The following AFG2A variants were observed in gnomAD, a reference collection of about 807,000 sequenced individuals.
AFG2A encodes ATPase family gene 2 protein homolog A.
At chr4:123,210,267 A>G in the AFG2A span, among the ~76,000 whole-genome samples, 1 of 152,214 alleles carries the variant, frequency 6.6e-6, no homozygotes, top group Non-Finnish European at 1.5e-5. Context: ...AATACATGAT[A>G]TATTGTTAAC....
the AFG2A span, chr4:123,057,309 C>G: frequency 6.4e-6 from 10 of 1,550,882 alleles, no homozygotes; most frequent in Non-Finnish European, 8.9e-6. Flanking sequence ...TTTAATAGCA[C>G]TGCTATTACA....
chr4:122,959,171 G>A, the AFG2A span, among the ~76,000 whole-genome samples: 1 of 152,120 alleles, frequency 6.6e-6, no homozygotes, highest in Admixed American at 6.6e-5. Context: ...CCAGTTTTTG[G>A]AGATTCTCTA....
chr4:122,924,915 G>A, the AFG2A span, among the ~76,000 whole-genome samples: 1 of 152,022 alleles, frequency 6.6e-6, no homozygotes, highest in Non-Finnish European at 1.5e-5. Context: ...TTCAATAAAA[G>A]CTTCTATATA....
chr4:123,209,410 G>A, the AFG2A span, among the ~76,000 whole-genome samples: 2 of 151,926 alleles, frequency 1.3e-5, no homozygotes, highest in Non-Finnish European at 2.9e-5. Context: ...TGAGAGCAGA[G>A]GGAAAAAAAT....
At chr4:123,030,253 A>G in the AFG2A span, among the ~76,000 whole-genome samples, 1 of 152,216 alleles carries the variant, frequency 6.6e-6, no homozygotes, top group East Asian at 1.9e-4. Context: ...CTTACAAACT[A>G]GTATCTTACT....
chr4:122,943,967 AC>A, the AFG2A span, among the ~76,000 whole-genome samples: 1 of 151,592 alleles, frequency 6.6e-6, no homozygotes, highest in Non-Finnish European at 1.5e-5. Flanking sequence ...ATTGGCCCCC[AC>A]TCTCTTCTGG....
chr4:123,111,125 T>A, the AFG2A span, among the ~76,000 whole-genome samples: 5 of 152,258 alleles, frequency 3.3e-5, no homozygotes, highest in Non-Finnish European at 7.3e-5. Flanking sequence ...GTTTTCATTT[T>A]GAAGTTGAAG....
the AFG2A span, among the ~76,000 whole-genome samples, chr4:123,164,449 C>T: frequency 9.9e-5 from 15 of 152,068 alleles, no homozygotes; most frequent in African/African-American, 1.9e-4. Context: ...CTACAACCTC[C>T]GCCTCTTGGG....
the AFG2A span, among the ~76,000 whole-genome samples, chr4:123,176,077 CTTAA>C: frequency 6.6e-6 from 1 of 152,146 alleles, no homozygotes; most frequent in African/African-American, 2.4e-5. Flanking sequence ...GATTGATTAT[CTTAA>C]TTAAATCATC....
the AFG2A span, among the ~76,000 whole-genome samples, chr4:123,066,519 C>T: frequency 6.6e-6 from 1 of 152,064 alleles, no homozygotes; most frequent in Non-Finnish European, 1.5e-5. Flanking sequence ...TGATTTAATG[C>T]TCTTTGAACT....
the AFG2A span, chr4:123,256,180 G>A: frequency 6.2e-7 from 1 of 1,613,908 alleles, no homozygotes; most frequent in East Asian, 2.2e-5. Context: ...CAGGAGCAGA[G>A]GTAAGATAGT....
At chr4:123,156,609 A>G in the AFG2A span, among the ~76,000 whole-genome samples, 5 of 152,128 alleles carry the variant, frequency 3.3e-5, no homozygotes, top group African/African-American at 4.8e-5. Context: ...TATCACCAAG[A>G]CAGCTGGTAT....
the AFG2A span, chr4:123,090,738 T>G: frequency 6.3e-7 from 1 of 1,592,496 alleles, no homozygotes; most frequent in Non-Finnish European, 8.5e-7. Flanking sequence ...TATTATAAAA[T>G]CAAGAACTGG....
the AFG2A span, among the ~76,000 whole-genome samples, chr4:122,975,357 C>A: frequency 1.3e-5 from 2 of 152,188 alleles, no homozygotes; most frequent in African/African-American, 2.4e-5. Flanking sequence ...GGCCTCACCT[C>A]CCATCAGTGT....
the AFG2A span, among the ~76,000 whole-genome samples, chr4:123,149,334 A>G: frequency 6.6e-6 from 1 of 152,224 alleles, no homozygotes; most frequent in Non-Finnish European, 1.5e-5. Context: ...AAAGAAATAC[A>G]GGAAAGATAC....
the AFG2A span, among the ~76,000 whole-genome samples, chr4:122,928,258 A>G: frequency 6.6e-6 from 1 of 152,264 alleles, no homozygotes; most frequent in South Asian, 2.1e-4. Context: ...TAAATATTTT[A>G]CTATTCTCCC....
At chr4:123,202,391 AT>A in the AFG2A span, among the ~76,000 whole-genome samples, 34 of 152,190 alleles carry the variant, frequency 2.2e-4, no homozygotes, top group Non-Finnish European at 3.5e-4. Context: ...ATGTGATTTT[AT>A]GTCTTAAAAA....
At chr4:122,970,856 C>T in the AFG2A span, among the ~76,000 whole-genome samples, 17 of 151,868 alleles carry the variant, frequency 1.1e-4, no homozygotes, top group South Asian at 1.9e-3. Flanking sequence ...TTTTTTGAGA[C>T]GGAGTCTTGC....
the AFG2A span, among the ~76,000 whole-genome samples, chr4:123,295,406 A>G: frequency 6.6e-6 from 1 of 152,280 alleles, no homozygotes; most frequent in African/African-American, 2.4e-5. Context: ...TTTGACTGAC[A>G]TAAATAAATC....
Sources: gnomAD v4.1 joint callset for allele counts (sites outside exome capture counted in the v4.1 genomes callset) on GRCh38, gnomAD v4.1.1 for gene constraint, MANE v1.5 for transcripts, NCBI Gene and HGNC (gene_info 2026-07-23, HGNC 2026-07-21) for gene names.